The following ZNF276 variants were observed in gnomAD, a reference collection of about 807,000 sequenced individuals.
ZNF276 encodes centromere protein Z.
Under a neutral mutation model 63.9 loss-of-function variants are expected in ZNF276, and 59 were observed. That is an observed-to-expected ratio of 0.92 (90% CI 0.75 to 1.15). The LOEUF (loss-of-function observed/expected upper bound fraction) is 1.15, where lower values mean the gene tolerates loss of function less well. ZNF276 is among the 50% of genes most tolerant of loss of function. The probability of loss-of-function intolerance (pLI) is 0.00; values close to 1 mark genes in which losing one functional copy is unlikely to be tolerated. For missense variants in ZNF276, 1,084 were observed against 843.8 expected, an observed-to-expected ratio of 1.28 and a Z score of -3.53; for synonymous variants, 496 against 348.4, an observed-to-expected ratio of 1.42 and a Z score of -4.72.
intron 9 of ZNF276, 114 bp downstream of exon 9, chr16:89,734,152 C>T (rs956286311): frequency 1.1e-6 from 1 of 916,882 alleles, no homozygotes; most frequent in Non-Finnish European, 1.7e-6. Flanking sequence ...GTGAAGGTGG[C>T]TCATGGGGTC....
intron 5 of ZNF276, among the ~76,000 whole-genome samples, chr16:89,728,176 GA>G (rs2061525012): frequency 6.6e-6 from 1 of 151,378 alleles, no homozygotes; most frequent in South Asian, 2.1e-4. Context: ...AACCGCAGCT[GA>G]GGTTATAGCA....
chr16:89,723,220 G>C (rs768892409), intron 3 of ZNF276, 37 bp downstream of exon 3: 114 of 1,612,752 alleles, frequency 7.1e-5, no homozygotes, highest in Non-Finnish European at 9.7e-5. Context: ...GCTGGGTGCC[G>C]ACCAGCCGTG....
In ZNF276 at chr16:89,733,575, C is replaced by A; in HGVS notation, c.1356+18C>A. ...GCATGAAGGTGAGCACTGGCTGTGCCTGACCCAGGCCCGGCAGCTGTCAGT... is the reference window on the plus strand; with the variant it reads ...GCATGAAGGTGAGCACTGGCTGTGCATGACCCAGGCCCGGCAGCTGTCAGT... On this transcript the variant is annotated intron_variant, in intron 8 of 10. Coordinates refer to ENST00000443381, the MANE Select transcript of ZNF276 (RefSeq NM_001113525.2). 6.2e-7 allele frequency: 1 copy of A among 1,613,250 alleles called. No homozygotes were observed. Among genetic ancestry groups the A allele is most frequent in the Non-Finnish European group, 8.5e-7 (1 of 1,179,906 alleles).
At position 89,738,211 on chromosome 16, in the gene ZNF276, A is replaced by G. The variant is rs1031783942; in HGVS notation, c.1810A>G (p.Thr604Ala). The G allele has an allele frequency of 6.2e-7, 1 of 1,610,504 alleles. No homozygotes were observed. The highest frequency in any genetic ancestry group is 8.5e-7 in the Non-Finnish European group (1 of 1,178,844). ...TGGGCCACCGAGCCCCTCTGTGACC[A>G]CAGAGGGCCAGGCGGTGAAGCCCGA... ...PPGPPSPSVT[T>A]EGQAVKPEPT Residue 604 changes from threonine to alanine, a missense_variant, in exon 11 of 11, where the codon ACA becomes GCA. By Grantham distance (58) the Thr-to-Ala change is moderately conservative. Coordinates refer to ENST00000443381, the MANE Select transcript of ZNF276 (RefSeq NM_001113525.2).
chr16:89,736,933 T>A (rs1007862111), intron 9 of ZNF276, among the ~76,000 whole-genome samples: 2 of 150,914 alleles, frequency 1.3e-5, no homozygotes, highest in Non-Finnish European at 2.9e-5. Flanking sequence ...TAGAGTAAAA[T>A]GCCAAGATAG....
chr16:89,728,555 A>T (rs934208081), intron 5 of ZNF276, among the ~76,000 whole-genome samples: 1 of 152,104 alleles, frequency 6.6e-6, no homozygotes, highest in African/African-American at 2.4e-5. Context: ...GGCACCCGCC[A>T]CCACGCCCGG....
rs1181195183 is a variant in ZNF276, at chr16:89,739,120, C to T, written c.*874C>T. 1 of 1,614,102 alleles carries T rather than the reference C, an allele frequency of 6.2e-7. No individual in the cohort carries two copies. The stretch of plus-strand genomic sequence containing the variant: ...GGAGCTCCCCTGGAGGTGGGACTGG[C>T]CCTTGCACCTGCCTGACCCTTGAGC... On this transcript the variant is annotated 3_prime_UTR_variant, in exon 11 of 11. Coordinates refer to ENST00000443381, the MANE Select transcript of ZNF276 (RefSeq NM_001113525.2).
Position 89,733,480 on chromosome 16 carries a change from A to G in ZNF276, c.1281-2A>G. The G allele has an allele frequency of 6.2e-7, 1 of 1,614,168 alleles. No individual in the cohort carries two copies. The highest frequency in any genetic ancestry group is 8.5e-7 in the Non-Finnish European group (1 of 1,180,034). Reference sequence around the variant, plus strand: ...GGGCTCCATGCATGCTCTTCATTGCAGGGAGGAGCTTCCCACCATCTACAA... The same window carrying G: ...GGGCTCCATGCATGCTCTTCATTGCGGGGAGGAGCTTCCCACCATCTACAA... On this transcript the variant is annotated splice_acceptor_variant, in intron 7 of 10. Transcript: ENST00000443381. LOFTEE classifies it high-confidence loss of function.
In ZNF276 at chr16:89,738,762, C is replaced by T; in HGVS notation, c.*516C>T. The stretch of plus-strand genomic sequence containing the variant: ...ATGCCGCCCACTAGGCCTCAGACCA[C>T]AGGGGAGGGGCTCTGGCAGAAATAG... On this transcript the variant is annotated 3_prime_UTR_variant, in exon 11 of 11. Coordinates refer to ENST00000443381, the MANE Select transcript of ZNF276 (RefSeq NM_001113525.2). 1.2e-6 allele frequency: 2 copies of T among 1,612,628 alleles called. 1 individual carries two copies. The highest frequency in any genetic ancestry group is 2.7e-5 in the African/African-American group (2 of 75,020).
At position 89,733,917 on chromosome 16, in the gene ZNF276, T is replaced by TA; in HGVS notation, c.1357-4_1357-3insA. The TA allele has an allele frequency of 6.2e-7, 1 of 1,613,428 alleles. No homozygotes were observed. The highest frequency in any genetic ancestry group is 8.5e-7 in the Non-Finnish European group (1 of 1,179,750). On this transcript the variant is annotated splice_polypyrimidine_tract_variant and splice_region_variant and intron_variant, in intron 8 of 10. Coordinates refer to ENST00000443381, the MANE Select transcript of ZNF276 (RefSeq NM_001113525.2). Reference sequence around the variant, plus strand: ...GAGGGTCTCTCACCGAGTCTCTCCTTCAGAAGCACATCAAGGAGCACCACG... The same window carrying TA: ...GAGGGTCTCTCACCGAGTCTCTCCTTACAGAAGCACATCAAGGAGCACCACG...
intron 9 of ZNF276, 90 bp downstream of exon 9, chr16:89,734,128 A>G (rs2061770451): frequency 3.2e-6 from 4 of 1,267,510 alleles, no homozygotes; most frequent in Non-Finnish European, 4.5e-6. Flanking sequence ...CCCCGCCCCA[A>G]GAGTTGGGGG....
At chr16:89,725,654 G>T (rs1215304589) in intron 4 of ZNF276, among the ~76,000 whole-genome samples, 2 of 152,054 alleles carry the variant, frequency 1.3e-5, no homozygotes, top group Non-Finnish European at 2.9e-5. Flanking sequence ...AGCTGGATGT[G>T]GCTGTGGTTG....
chr16:89,733,049 G>A (rs764420635), intron 6 of ZNF276: 39 of 497,870 alleles, frequency 7.8e-5, no homozygotes, highest in African/African-American at 1.2e-4. Context: ...TGTACCCTGC[G>A]CCCTCGCCCT....
intron 9 of ZNF276, among the ~76,000 whole-genome samples, chr16:89,734,948 C>G (rs937599977): frequency 6.6e-6 from 1 of 152,126 alleles, no homozygotes; most frequent in African/African-American, 2.4e-5. Context: ...CACCTGAGGT[C>G]AGCAGTTCAA....
At chr16:89,736,036 T>A (rs1355473790) in intron 9 of ZNF276, among the ~76,000 whole-genome samples, 1 of 151,900 alleles carries the variant, frequency 6.6e-6, no homozygotes, top group African/African-American at 2.4e-5. Flanking sequence ...GGACTACAGG[T>A]GCTGGCCACC....
intron 4 of ZNF276, among the ~76,000 whole-genome samples, chr16:89,726,745 A>G (rs1471610814): frequency 1.3e-5 from 2 of 152,008 alleles, no homozygotes; most frequent in Non-Finnish European, 2.9e-5. Context: ...TCCCGGGTTC[A>G]AGCGATTCTT....
rs931959948 is a variant in ZNF276 at position 89,738,332 on chromosome 16, A to AG, written c.*89dup. ...CACCCTTCGTGTGCACCCGCATGGG[A>AG]GGGTCGGAGGGTGCTGCCCGCCCTT... On this transcript the variant is annotated 3_prime_UTR_variant, in exon 11 of 11. Transcript: ENST00000443381. 6.7e-7 allele frequency: 1 copy of AG among 1,497,794 alleles called. No homozygotes were observed. Among genetic ancestry groups the AG allele is most frequent in the African/African-American group, 1.4e-5 (1 of 72,180 alleles). The allele number at this position is 1,497,794 out of a possible 1,614,324, so 92.8% of individuals were successfully genotyped here.
intron 6 of ZNF276, among the ~76,000 whole-genome samples, chr16:89,730,636 C>T (rs1232463576): frequency 1.3e-5 from 2 of 152,158 alleles, no homozygotes; most frequent in East Asian, 1.9e-4. Flanking sequence ...TCAGAGGTCT[C>T]TAATAAAAGG....
Position 89,739,885 on chromosome 16 carries a change from T to G in ZNF276, c.*1639T>G. 1 of 1,563,648 alleles carries G rather than the reference T, an allele frequency of 6.4e-7. No individual in the cohort carries two copies. Among genetic ancestry groups the G allele is most frequent in the South Asian group, 1.2e-5 (1 of 82,892 alleles). ...TCTGTCCCAACTAAAATGGAGCTTATAAACTTACTTAGCAAGGAACCTCAA... is the reference window on the plus strand; with the variant it reads ...TCTGTCCCAACTAAAATGGAGCTTAGAAACTTACTTAGCAAGGAACCTCAA... On this transcript the variant is annotated 3_prime_UTR_variant, in exon 11 of 11. Coordinates refer to ENST00000443381, the MANE Select transcript of ZNF276 (RefSeq NM_001113525.2).
Sources: gnomAD v4.1 joint callset for allele counts (sites outside exome capture counted in the v4.1 genomes callset) on GRCh38, gnomAD v4.1.1 for gene constraint, MANE v1.5 for transcripts, NCBI Gene and HGNC (gene_info 2026-07-23, HGNC 2026-07-21) for gene names.